Variants in SUGCT observed in about 807,000 individuals in gnomAD.
The protein encoded by SUGCT is succinyl-CoA:glutarate-CoA transferase.
Under a neutral mutation model 55.0 loss-of-function variants are expected in SUGCT, and 41 were observed. That is an observed-to-expected ratio of 0.74 (90% CI 0.58 to 0.97). SUGCT has a LOEUF of 0.97. SUGCT is among the 50% of genes least tolerant of loss of function. SUGCT has a pLI of 0.00. For missense variants in SUGCT, 568 were observed against 547.8 expected (o/e 1.04, Z -0.37); for synonymous variants, 187 against 200.4 (o/e 0.93, Z 0.56).
At chr7:40,599,364 G>A (rs1798179878) in intron 12 of SUGCT, among the ~76,000 whole-genome samples, 1 of 152,054 alleles carries the variant, frequency 6.6e-6, no homozygotes, top group Non-Finnish European at 1.5e-5. Flanking sequence ...AGTGTGGGAG[G>A]GTAGATGATA....
At chr7:40,607,225 C>A (rs960781809) in intron 12 of SUGCT, among the ~76,000 whole-genome samples, 1 of 151,886 alleles carries the variant, frequency 6.6e-6, no homozygotes. Context: ...CACCTCAGCC[C>A]CCCAAGTAGC....
chr7:40,771,845 A>G (rs1205275866), intron 13 of SUGCT, among the ~76,000 whole-genome samples: 1 of 152,216 alleles, frequency 6.6e-6, no homozygotes, highest in Admixed American at 6.5e-5. Context: ...TGAATGAATG[A>G]GCACATAAAT....
intron 9 of SUGCT, among the ~76,000 whole-genome samples, chr7:40,419,713 AG>A (rs762714210): frequency 2.0e-5 from 3 of 152,236 alleles, no homozygotes; most frequent in Non-Finnish European, 2.9e-5. Flanking sequence ...ATGAGATCCC[AG>A]AGATAGTGGG....
At chr7:40,886,845 A>T in the SUGCT span, among the ~76,000 whole-genome samples, 2 of 152,204 alleles carry the variant, frequency 1.3e-5, no homozygotes, top group Non-Finnish European at 2.9e-5. Context: ...TATTGGAAGG[A>T]CAGGCCCAGA....
intron 13 of SUGCT, among the ~76,000 whole-genome samples, chr7:40,777,046 T>C (rs1425037335): frequency 8.5e-5 from 13 of 152,196 alleles, no homozygotes; most frequent in Non-Finnish European, 1.9e-4. Flanking sequence ...AGCTCTATTA[T>C]GGTGTAACGG....
chr7:40,195,947 C>G (rs942086721), intron 6 of SUGCT, among the ~76,000 whole-genome samples: 5 of 152,090 alleles, frequency 3.3e-5, no homozygotes, highest in Non-Finnish European at 7.4e-5. Flanking sequence ...ATCCTGACCT[C>G]AAGTGATCCA....
intron 7 of SUGCT, among the ~76,000 whole-genome samples, 166 bp from the exon 8 acceptor site, chr7:40,274,347 A>G (rs1792318494): frequency 6.6e-6 from 1 of 152,150 alleles, no homozygotes; most frequent in Non-Finnish European, 1.5e-5. Context: ...CCTATTACCA[A>G]CAGATATTCA....
At chr7:40,664,233 T>A (rs1027107329) in intron 12 of SUGCT, among the ~76,000 whole-genome samples, 2 of 152,332 alleles carry the variant, frequency 1.3e-5, no homozygotes, top group African/African-American at 2.4e-5. Context: ...GGCAAACCAA[T>A]GTAACACTGC....
chr7:40,996,055 A>G, the SUGCT span, among the ~76,000 whole-genome samples: 1 of 152,234 alleles, frequency 6.6e-6, no homozygotes, highest in African/African-American at 2.4e-5. Context: ...CAATTTTGTC[A>G]CAGATGGAGA....
intron 9 of SUGCT, among the ~76,000 whole-genome samples, chr7:40,411,040 TA>T (rs1194101357): frequency 6.6e-6 from 1 of 152,082 alleles, no homozygotes; most frequent in African/African-American, 2.4e-5. Context: ...CTGATTAAGC[TA>T]AAAAAATATA....
intron 13 of SUGCT, among the ~76,000 whole-genome samples, chr7:40,818,418 G>A (rs1791789096): frequency 6.6e-6 from 1 of 152,224 alleles, no homozygotes; most frequent in Non-Finnish European, 1.5e-5. Flanking sequence ...CTGGGGCCCA[G>A]TCAGCTGTAG....
At chr7:40,691,690 C>T (rs1017519142) in intron 12 of SUGCT, among the ~76,000 whole-genome samples, 2 of 152,176 alleles carry the variant, frequency 1.3e-5, no homozygotes, top group Admixed American at 1.3e-4. Flanking sequence ...GTATTCAAGT[C>T]AAATGGAAAG....
chr7:40,352,714 A>T (rs2151201828), intron 9 of SUGCT, among the ~76,000 whole-genome samples: 1 of 152,186 alleles, frequency 6.6e-6, no homozygotes, highest in East Asian at 1.9e-4. Flanking sequence ...TGTTTTTGTT[A>T]TTGTGAGTAA....
intron 12 of SUGCT, among the ~76,000 whole-genome samples, chr7:40,520,183 A>T (rs981499530): frequency 8.5e-5 from 13 of 152,278 alleles, no homozygotes; most frequent in South Asian, 8.3e-4. Context: ...TCTTAGACAA[A>T]CGGAATAAAA....
intron 12 of SUGCT, among the ~76,000 whole-genome samples, chr7:40,641,969 C>T (rs1283068870): frequency 6.6e-6 from 1 of 152,162 alleles, no homozygotes; most frequent in Non-Finnish European, 1.5e-5. Flanking sequence ...GTTGATGTAA[C>T]CCAATTTCCA....
At chr7:40,485,429 T>A (rs1220402791) in intron 11 of SUGCT, among the ~76,000 whole-genome samples, 4 of 124,584 alleles carry the variant, frequency 3.2e-5, no homozygotes, top group African/African-American at 1.4e-4. Context: ...TTTTTTTTTT[T>A]TTTTTTTTTT....
At chr7:40,834,122 G>A (rs763507351) in intron 13 of SUGCT, among the ~76,000 whole-genome samples, 16 of 152,058 alleles carry the variant, frequency 1.1e-4, no homozygotes, top group South Asian at 2.1e-4. Context: ...AAGGTGAAGC[G>A]TATTGCAGGA....
At chr7:40,932,433 A>G in the SUGCT span, among the ~76,000 whole-genome samples, 57 of 152,164 alleles carry the variant, frequency 3.7e-4, no homozygotes, top group Non-Finnish European at 6.2e-4. Context: ...GTAGTTGTCT[A>G]TTAGGTCCGC....
chr7:40,146,568 T>C (rs1788257971), intron 1 of SUGCT, among the ~76,000 whole-genome samples: 1 of 152,234 alleles, frequency 6.6e-6, no homozygotes. Context: ...GAAATAAAGG[T>C]ATGGGCTCTG....
Sources: gnomAD v4.1 joint callset for allele counts (sites outside exome capture counted in the v4.1 genomes callset) on GRCh38, gnomAD v4.1.1 for gene constraint, MANE v1.5 for transcripts, NCBI Gene and HGNC (gene_info 2026-07-23, HGNC 2026-07-21) for gene names.